Variants in MIER1 observed in about 807,000 individuals in gnomAD.
The protein encoded by MIER1 is mesoderm induction early response protein 1.
Under a neutral mutation model 75.7 loss-of-function variants are expected in MIER1, and 40 were observed. The ratio of observed to expected loss-of-function variants is 0.53; its 90% CI spans 0.41 to 0.69. The LOEUF (loss-of-function observed/expected upper bound fraction) is 0.69, where lower values mean the gene tolerates loss of function less well. MIER1 is among the 30% of genes least tolerant of loss of function. The probability of loss-of-function intolerance (pLI) is 0.00; values close to 1 mark genes in which losing one functional copy is unlikely to be tolerated. For missense variants in MIER1, 574 were observed against 680.2 expected, an observed-to-expected ratio of 0.84 and a Z score of 1.74; for synonymous variants, 213 against 223.4, an observed-to-expected ratio of 0.95 and a Z score of 0.42.
At chr1:66,974,028 A>C (rs923964237) in intron 11 of MIER1, among the ~76,000 whole-genome samples, 1 of 152,010 alleles carries the variant, frequency 6.6e-6, no homozygotes, top group African/African-American at 2.4e-5. Flanking sequence ...TATTAATAAA[A>C]TATTTACAAA....
intron 8 of MIER1, among the ~76,000 whole-genome samples, chr1:66,969,589 C>CATAGGAT (rs1663186881): frequency 7.2e-6 from 1 of 138,516 alleles, no homozygotes; most frequent in Non-Finnish European, 1.6e-5. Context: ...TTGCCTGGTA[C>CATAGGAT]ATAGGATATG....
rs750604957 is a variant in MIER1, at chr1:66,981,809, T to C, written c.1260T>C (p.Ser420=). The change falls in exon 13 of 14, where the codon AGT becomes AGC. Residue 420 remains serine (S), a synonymous_variant. Coordinates refer to ENST00000401041, the MANE Select transcript of MIER1 (RefSeq NM_001077700.3). ...TDYMDRLLDE[S]ESAASSRAPS... The stretch of plus-strand genomic sequence containing the variant: ...ACATGGATCGTCTTCTAGACGAAAG[T>C]GAAAGTGCTGCATCTAGTCGAGCAC... 26 of 1,613,826 alleles carry C rather than the reference T, an allele frequency of 1.6e-5. No homozygotes were observed. The East Asian group carries it at 5.8e-4, about 36-fold the overall frequency.
chr1:66,983,585 GAATTTGTATTTACTTTTTAAGT>G (rs566007767), intron 13 of MIER1, among the ~76,000 whole-genome samples: 178 of 152,078 alleles, frequency 1.2e-3, no homozygotes, highest in African/African-American at 4.0e-3. Flanking sequence ...ACCTACTATA[GAATTTGTATTTACTTTTTAAGT>G]AATTTGTATT....
At chr1:66,946,032 C>T (rs550141957) in intron 3 of MIER1, 118 bp from the exon 4 acceptor site, 11 of 866,066 alleles carry the variant, frequency 1.3e-5, no homozygotes, top group South Asian at 4.2e-5. Context: ...AGTTGCTGTG[C>T]GTAGCTTTTT....
intron 2 of MIER1, among the ~76,000 whole-genome samples, chr1:66,933,167 A>G (rs1653866626): frequency 2.0e-5 from 3 of 152,152 alleles, no homozygotes; most frequent in African/African-American, 7.2e-5. Context: ...GTCACACTTG[A>G]AGGAAATTAC....
At chr1:66,938,000 T>C (rs1435001357) in intron 2 of MIER1, among the ~76,000 whole-genome samples, 1 of 152,220 alleles carries the variant, frequency 6.6e-6, no homozygotes, top group African/African-American at 2.4e-5. Context: ...AAATCAGTCA[T>C]TGAAACATTC....
chr1:66,980,237 A>G (rs1456537196), intron 12 of MIER1, among the ~76,000 whole-genome samples: 1 of 152,198 alleles, frequency 6.6e-6, no homozygotes. Flanking sequence ...TATAATTATG[A>G]TGAGTAGCAT....
chr1:66,948,921 CAG>C (rs1658285997), intron 4 of MIER1, among the ~76,000 whole-genome samples: 1 of 152,062 alleles, frequency 6.6e-6, no homozygotes, highest in Non-Finnish European at 1.5e-5. Context: ...TTTTATTTTT[CAG>C]AGACTGTGTG....
chr1:66,985,664 G>A lies in MIER1; in HGVS notation c.*764G>A. ...ATAATTTTCTTAACTTGTACAGTTGGTAAACTTTTATGAGAGGAATTGTTA... is the reference window on the plus strand; with the variant it reads ...ATAATTTTCTTAACTTGTACAGTTGATAAACTTTTATGAGAGGAATTGTTA... On this transcript the variant is annotated 3_prime_UTR_variant, in exon 14 of 14. Coordinates refer to ENST00000401041, the MANE Select transcript of MIER1 (RefSeq NM_001077700.3). 1 of 984,998 alleles carries A rather than the reference G, an allele frequency of 1.0e-6. No individual in the cohort carries two copies. Among genetic ancestry groups the A allele is most frequent in the Non-Finnish European group, 1.2e-6 (1 of 829,568 alleles). The allele number at this position is 984,998 out of a possible 1,614,324, so 61.0% of individuals were successfully genotyped here.
rs150878910 is a variant in MIER1, at chr1:66,982,410, G to C, written c.1369+492G>C. Among the ~76,000 whole-genome samples the C allele has an allele frequency of 3.3e-5, 5 of 152,272 alleles. No homozygotes were observed. The East Asian group carries it at 9.6e-4, about 29-fold the overall frequency. ...TCAACCTGTATATTAATATTCTACAGAAATATTTGTTTTTCTCTCCAAGAA... is the reference window on the plus strand; with the variant it reads ...TCAACCTGTATATTAATATTCTACACAAATATTTGTTTTTCTCTCCAAGAA... On this transcript the variant is annotated intron_variant, in intron 13 of 13. Transcript: ENST00000401041.
chr1:66,929,920 T>C (rs148073429), intron 2 of MIER1, among the ~76,000 whole-genome samples: 1,935 of 152,332 alleles, frequency 0.013, 38 homozygotes, highest in Middle Eastern at 0.014. Context: ...ACGACCTACA[T>C]GTAAAATATT....
At chr1:66,939,069 CT>C (rs1421857287) in intron 2 of MIER1, among the ~76,000 whole-genome samples, 1 of 152,152 alleles carries the variant, frequency 6.6e-6, no homozygotes. Context: ...AGATCCCTAT[CT>C]TTCCTTTGCT....
At chr1:66,933,495 T>C (rs1488647914) in intron 2 of MIER1, among the ~76,000 whole-genome samples, 1 of 152,182 alleles carries the variant, frequency 6.6e-6, no homozygotes, top group Non-Finnish European at 1.5e-5. Flanking sequence ...TTTATTCACT[T>C]TCACACCTAT....
At chr1:66,957,388 G>A (rs1006734486) in intron 4 of MIER1, among the ~76,000 whole-genome samples, 1 of 152,050 alleles carries the variant, frequency 6.6e-6, no homozygotes, top group South Asian at 2.1e-4. Flanking sequence ...CTTGTAACTT[G>A]TGTGATTTGT....
chr1:66,969,805 C>T (rs1663241810), intron 8 of MIER1, among the ~76,000 whole-genome samples: 1 of 152,140 alleles, frequency 6.6e-6, no homozygotes, highest in Non-Finnish European at 1.5e-5. Context: ...ACCATCATAA[C>T]TAAACTTTTC....
chr1:66,932,445 C>G (rs553568851), intron 2 of MIER1, among the ~76,000 whole-genome samples: 11 of 152,046 alleles, frequency 7.2e-5, no homozygotes, highest in Non-Finnish European at 1.3e-4. Context: ...GAGGAACTTT[C>G]GTGATCTGTG....
chr1:66,969,503 C>T (rs892077470), intron 8 of MIER1, among the ~76,000 whole-genome samples: 3 of 140,748 alleles, frequency 2.1e-5, no homozygotes, highest in African/African-American at 7.8e-5. Flanking sequence ...CAAGATCGCG[C>T]CACTGCACTC....
intron 4 of MIER1, chr1:66,947,260 A>C (rs944710752): frequency 6.6e-6 from 1 of 152,542 alleles, no homozygotes; most frequent in African/African-American, 2.4e-5. Context: ...TCTTTAGTTT[A>C]TATTTCTAGC....
In MIER1 at chr1:66,971,709, T is replaced by A. The variant is rs756412935; in HGVS notation, c.979T>A (p.Leu327Ile). ...NFDTEEALRR[L>I]RFNVKAAREE... ...TGATACAGAAGAAGCATTGAGAAGA[T>A]TAAGATTTAATGTAAAAGCAGCTAG... The change falls in exon 10 of 14, where the codon TTA (leucine) becomes ATA (isoleucine). Residue 327 changes from leucine to isoleucine, a missense_variant. This residue lies in a region of MIER1 where 101 missense variants were observed against 173.1 expected (regional missense o/e 0.58). Transcript: ENST00000401041. 1.3e-6 allele frequency: 2 copies of A among 1,506,870 alleles called. No homozygotes were observed. Among genetic ancestry groups the A allele is most frequent in the Non-Finnish European group, 1.8e-6 (2 of 1,093,036 alleles). 93.3% of individuals were successfully genotyped at this position (1,506,870 alleles called of 1,614,324 possible).
Sources: gnomAD v4.1 joint callset for allele counts (sites outside exome capture counted in the v4.1 genomes callset) on GRCh38, gnomAD v4.1.1 for gene constraint, gnomAD v4.1.1 regional missense constraint, MANE v1.5 for transcripts, NCBI Gene and HGNC (gene_info 2026-07-23, HGNC 2026-07-21) for gene names.